The following TMEM87A variants were observed in gnomAD, a reference collection of about 807,000 sequenced individuals.
TMEM87A encodes the protein Golgi-pH regulating cation channel.
TMEM87A carries 50 observed loss-of-function variants against 90.0 expected under a neutral mutation model. The observed-to-expected ratio is 0.56, with a 90% confidence interval of 0.44 to 0.70. The LOEUF (loss-of-function observed/expected upper bound fraction) is 0.70, where lower values mean the gene tolerates loss of function less well. Ranked by LOEUF, TMEM87A falls within the 30% of genes least tolerant of loss-of-function variation. TMEM87A has a pLI of 0.00. For missense variants in TMEM87A, 577 were observed against 660.5 expected (o/e 0.87, Z 1.39); for synonymous variants, 226 against 226.7 (o/e 1.00, Z 0.03).
Position 42,244,135 on chromosome 15 carries a change from A to G in TMEM87A, c.537T>C (p.Asp179=). The G allele has an allele frequency of 6.4e-7, 1 of 1,573,996 alleles. No individual in the cohort carries two copies. Among genetic ancestry groups the G allele is most frequent in the Non-Finnish European group, 8.6e-7 (1 of 1,167,370 alleles). ...TATGTACAATAAAAATGTATGGTGC[A>G]TCTTGCCAAGTTTGCAATGGTTCAT... ...AMHEPLQTWQ[D]APYIFIVHIG... is the part of the protein sequence containing the mutation. The change falls in exon 7 of 20, where the codon GAT becomes GAC. Residue 179 remains aspartate, a synonymous_variant. Transcript: ENST00000389834.
chr15:42,248,744 CT>C (rs899349660), intron 6 of TMEM87A, among the ~76,000 whole-genome samples: 3 of 151,838 alleles, frequency 2.0e-5, no homozygotes, highest in Admixed American at 6.6e-5. Context: ...CTAAAATTCT[CT>C]TTTTTTTGTT....
chr15:42,266,622 G>A (rs1199733067), intron 3 of TMEM87A, among the ~76,000 whole-genome samples: 1 of 152,024 alleles, frequency 6.6e-6, no homozygotes, highest in African/African-American at 2.4e-5. Flanking sequence ...CAGGAACTAA[G>A]GCAGTGGCAT....
chr15:42,228,958 AC>A (rs2050642955), intron 12 of TMEM87A, 138 bp from the exon 13 acceptor site: 2 of 560,944 alleles, frequency 3.6e-6, no homozygotes, highest in African/African-American at 4.0e-5. Context: ...TCTTATTCTC[AC>A]TTAATCTCAC....
chr15:42,248,695 T>C (rs1022535659), intron 6 of TMEM87A, among the ~76,000 whole-genome samples: 3 of 152,234 alleles, frequency 2.0e-5, no homozygotes, highest in African/African-American at 7.2e-5. Context: ...AAGTATTTTA[T>C]TGAGGATTTT....
Position 42,236,368 on chromosome 15 carries a change from A to C in TMEM87A, c.920T>G (p.Leu307Arg). The change falls in exon 10 of 20, where the codon CTG becomes CGG. Residue 307 changes from leucine (L) to arginine (R), a missense_variant. Coordinates refer to ENST00000389834, the MANE Select transcript of TMEM87A (RefSeq NM_015497.5). ...GACTATGATGACCAGGGTTCGAGCC[A>C]GTGAGCGTTTCACTGCTGAAAGCAG... ...AELLSAVKRS[L>R]ARTLVIIVSL... 4 of 1,614,184 alleles carry C rather than the reference A, an allele frequency of 2.5e-6. No homozygotes were observed. The highest frequency in any genetic ancestry group is 3.4e-6 in the Non-Finnish European group (4 of 1,179,996).
intron 5 of TMEM87A, 45 bp from the exon 6 acceptor site, chr15:42,261,047 G>C (rs1477030640): frequency 1.3e-6 from 2 of 1,571,358 alleles, no homozygotes; most frequent in Non-Finnish European, 1.7e-6. Flanking sequence ...AGAACTTCTT[G>C]TTTTTAGCTG....
rs1302334299 is a variant in TMEM87A at position 42,250,798 on chromosome 15, G to A, written c.505-6631C>T. On this transcript the variant is annotated intron_variant, in intron 6 of 19. Coordinates refer to ENST00000389834, the MANE Select transcript of TMEM87A (RefSeq NM_015497.5). ...GAATGTTGGCCTACCTTGCTAGGTG[G>A]GGGAAGTTCTCCTAGATAATATCCT... Among the ~76,000 whole-genome samples, 4 of 152,104 alleles carry A rather than the reference G, an allele frequency of 2.6e-5. No individual in the cohort carries two copies. The South Asian group carries it at 8.3e-4, about 32-fold the overall frequency.
chr15:42,257,054 A>C (rs1313733151), intron 6 of TMEM87A, among the ~76,000 whole-genome samples: 1 of 152,156 alleles, frequency 6.6e-6, no homozygotes, highest in East Asian at 1.9e-4. Flanking sequence ...ACAAGAACAA[A>C]TTGTTGCTTA....
At chr15:42,227,112 T>TA (rs774500552) in intron 14 of TMEM87A, 2 of 544,836 alleles carry the variant, frequency 3.7e-6, no homozygotes, top group Admixed American at 3.3e-5. Flanking sequence ...TTACTGTTGT[T>TA]AAAGAAAATG....
chr15:42,246,616 C>T (rs552407201), intron 6 of TMEM87A, among the ~76,000 whole-genome samples: 1 of 152,340 alleles, frequency 6.6e-6, no homozygotes, highest in East Asian at 1.9e-4. Context: ...CTACAAAGGA[C>T]ATGAACTCAT....
At position 42,211,138 on chromosome 15, in the gene TMEM87A, C is replaced by CTTTTTTT. The variant is rs11433755; in HGVS notation, c.*563_*569dup. ...TCTGAATCATACTGTAACAGTTTCT[C>CTTTTTTT]TTTTTTTTTTTTTCTTTTGATCATT... On this transcript the variant is annotated 3_prime_UTR_variant, in exon 20 of 20. Transcript: ENST00000389834. The CTTTTTTT allele has an allele frequency of 4.1e-5, 6 of 145,284 alleles. No individual in the cohort carries two copies. The highest frequency in any genetic ancestry group is 2.5e-5 in the African/African-American group (1 of 39,566). The allele number at this position is 145,284 out of a possible 1,614,324, so 9.0% of individuals were successfully genotyped here. A position where few individuals can be genotyped will look rare whatever the true frequency, so the allele number is the denominator to read the frequency against.
At chr15:42,258,451 G>T in intron 6 of TMEM87A, 5 of 590,822 alleles carry the variant, frequency 8.5e-6, no homozygotes, top group Non-Finnish European at 1.1e-5. Context: ...TTTTTGAGAT[G>T]GAATCTCACT....
intron 6 of TMEM87A, among the ~76,000 whole-genome samples, chr15:42,248,427 A>C (rs2051018782): frequency 6.6e-6 from 1 of 152,104 alleles, no homozygotes; most frequent in Non-Finnish European, 1.5e-5. Flanking sequence ...GTTTGTCATA[A>C]ATAGCTCTTA....
intron 7 of TMEM87A, among the ~76,000 whole-genome samples, chr15:42,241,920 A>C (rs915456809): frequency 5.3e-5 from 8 of 152,038 alleles, no homozygotes; most frequent in Admixed American, 3.9e-4. Flanking sequence ...TACAAAAATT[A>C]GCTAGGTGTG....
chr15:42,226,068 C>T (rs771652416), intron 15 of TMEM87A, among the ~76,000 whole-genome samples: 2 of 152,020 alleles, frequency 1.3e-5, no homozygotes, highest in African/African-American at 2.4e-5. Context: ...GGCATGATCT[C>T]GGCTCAGTGC....
In TMEM87A at chr15:42,214,191, C is replaced by CA. The variant is rs199820997; in HGVS notation, c.1627-2443dup. On this transcript the variant is annotated intron_variant, in intron 19 of 19. Transcript: ENST00000389834. ...CCATCAGTAATCAAAAACATCCCAACAAAAAAACAGCCCAGGACCAGATGG... is the reference window on the plus strand; with the variant it reads ...CCATCAGTAATCAAAAACATCCCAACAAAAAAAACAGCCCAGGACCAGATGG... 8.1e-3 allele frequency among the ~76,000 whole-genome samples: 1,226 copies of CA among 152,062 alleles called. 8 individuals are homozygous for CA. The highest frequency in any genetic ancestry group is 0.037 in the Middle Eastern group (11 of 294).
rs953258109 is a variant in TMEM87A at position 42,251,089 on chromosome 15, T to A, written c.505-6922A>T. On this transcript the variant is annotated intron_variant, in intron 6 of 19. Transcript: ENST00000389834. ...TCTCGTGCCATGGTTTTCAGCTCCA[T>A]CAGGTCATTTAAGGTCTTCTCTACA... is the stretch of plus-strand genomic sequence containing the variant. 4.7e-4 allele frequency among the ~76,000 whole-genome samples: 71 copies of A among 152,248 alleles called. 1 individual carries two copies. Among genetic ancestry groups the A allele is most frequent in the Non-Finnish European group, 9.6e-4 (65 of 68,002 alleles).
chr15:42,250,565 T>TAA (rs753718508), intron 6 of TMEM87A, among the ~76,000 whole-genome samples: 233 of 152,180 alleles, frequency 1.5e-3, no homozygotes, highest in Non-Finnish European at 2.8e-3. Flanking sequence ...GGATTGAAAA[T>TAA]TATTTAAGAA....
At chr15:42,228,153 G>A (rs1395327440) in intron 13 of TMEM87A, among the ~76,000 whole-genome samples, 1 of 151,818 alleles carries the variant, frequency 6.6e-6, no homozygotes, top group Non-Finnish European at 1.5e-5. Context: ...TGGCTGGTCA[G>A]ATGAAAAAAA....
Sources: gnomAD v4.1 joint callset for allele counts (sites outside exome capture counted in the v4.1 genomes callset) on GRCh38, gnomAD v4.1.1 for gene constraint, MANE v1.5 for transcripts, NCBI Gene and HGNC (gene_info 2026-07-23, HGNC 2026-07-21) for gene names.